Variants in AGPAT3 observed in about 807,000 individuals in gnomAD.
AGPAT3 encodes the protein 1-acyl-sn-glycerol-3-phosphate acyltransferase gamma.
Under a neutral mutation model 47.3 loss-of-function variants are expected in AGPAT3, and 5 were observed. The ratio of observed to expected loss-of-function variants is 0.11; its 90% CI spans 0.06 to 0.22. The LOEUF is 0.22. AGPAT3 is among the 10% of genes least tolerant of loss of function. AGPAT3 has a pLI of 1.00. For missense variants in AGPAT3, 315 were observed against 493.0 expected, an observed-to-expected ratio of 0.64 and a Z score of 3.42; for synonymous variants, 212 against 208.3, an observed-to-expected ratio of 1.02 and a Z score of -0.15.
rs2086548721 is a variant in AGPAT3 at position 43,908,190 on chromosome 21, C to T, written c.-49+4171C>T. Among the ~76,000 whole-genome samples, 1 of 152,190 alleles carries T rather than the reference C, an allele frequency of 6.6e-6. No individual in the cohort carries two copies. The highest frequency in any genetic ancestry group is 2.1e-4 in the South Asian group (1 of 4,830). The stretch of plus-strand genomic sequence containing the variant: ...CTTGTATGAGGCACTTGGCAAGCTT[C>T]ACTTGTGCCCTAAAGCACAAAATAC... On this transcript the variant is annotated intron_variant, in intron 2 of 9. Transcript: ENST00000291572. The surrounding 1 kb of genome is among the most constrained non-coding windows in gnomAD (Gnocchi z 4.9).
At chr21:43,926,951 TC>T (rs2087075339) in intron 2 of AGPAT3, among the ~76,000 whole-genome samples, 2 of 140,052 alleles carry the variant, frequency 1.4e-5, no homozygotes, top group Non-Finnish European at 3.0e-5. Context: ...CTCACTCCAG[TC>T]TAGGCGACAG....
At chr21:43,914,971 T>G (rs974593181) in intron 2 of AGPAT3, among the ~76,000 whole-genome samples, 3 of 152,258 alleles carry the variant, frequency 2.0e-5, no homozygotes, top group South Asian at 4.1e-4. Flanking sequence ...AAATTATCCA[T>G]TTTATCTAGA....
intron 1 of AGPAT3, among the ~76,000 whole-genome samples, chr21:43,874,114 C>T (rs1219796154): frequency 1.3e-5 from 2 of 152,226 alleles, no homozygotes; most frequent in East Asian, 3.8e-4. Flanking sequence ...CAACCTCCGC[C>T]TCCCGGATTC....
chr21:43,885,227 G>A (rs1375475741), intron 1 of AGPAT3, among the ~76,000 whole-genome samples: 1 of 152,258 alleles, frequency 6.6e-6, no homozygotes, highest in African/African-American at 2.4e-5. Context: ...GGAGGCCTGG[G>A]CCTGGGCCAG....
chr21:43,882,789 T>TGGTCTTGGGGGGTGGTGCCCC (rs879672825), intron 1 of AGPAT3, among the ~76,000 whole-genome samples: 3 of 152,202 alleles, frequency 2.0e-5, no homozygotes, highest in Non-Finnish European at 4.4e-5. Flanking sequence ...ACGGGTGCCC[T>TGGTCTTGGGGGGTGGTGCCCC]GGTCTTGGGG....
chr21:43,899,125 A>G (rs2086294317), intron 1 of AGPAT3, among the ~76,000 whole-genome samples: 1 of 151,884 alleles, frequency 6.6e-6, no homozygotes, highest in Non-Finnish European at 1.5e-5. Context: ...GTGCACGTAC[A>G]TGAGAAATTC....
chr21:43,959,703 A>C lies in AGPAT3; in HGVS notation c.22A>C (p.Lys8Gln), dbSNP rs1322266468. The C allele has an allele frequency of 6.2e-7, 1 of 1,613,558 alleles. No homozygotes were observed. ...CGCCATGGGCCTGCTGGCCTTCCTGAAGACCCAGTTCGTGCTGCACCTGCT... is the reference window on the plus strand; with the variant it reads ...CGCCATGGGCCTGCTGGCCTTCCTGCAGACCCAGTTCGTGCTGCACCTGCT... MGLLAFLKTQFVLHLLVG... is the reference protein window; with the variant it reads MGLLAFLQTQFVLHLLVG... Residue 8 changes from lysine (K) to glutamine (Q), a missense_variant, in exon 3 of 10, where the codon AAG becomes CAG. Transcript: ENST00000291572.
chr21:43,873,800 A>G (rs2085676062), intron 1 of AGPAT3, among the ~76,000 whole-genome samples: 1 of 152,130 alleles, frequency 6.6e-6, no homozygotes, highest in African/African-American at 2.4e-5. Context: ...TTCTAGATTC[A>G]TCTCACAGAG....
At position 43,872,479 on chromosome 21, in the gene AGPAT3, C is replaced by T. The variant is rs117314653; in HGVS notation, c.-112+7134C>T. Among the ~76,000 whole-genome samples the T allele has an allele frequency of 3.0e-4, 46 of 152,236 alleles. No homozygotes were observed. In the East Asian group the frequency reaches 7.3e-3, roughly 24 times the overall value. On this transcript the variant is annotated intron_variant, in intron 1 of 9. Coordinates refer to ENST00000291572, the MANE Select transcript of AGPAT3 (RefSeq NM_020132.5). ...TACAGGCGTGAGCCACCGCGCCGGC[C>T]GTAAATGGTGTTTTTTATTTTTATT...
At chr21:43,905,335 G>A (rs1407428559) in intron 2 of AGPAT3, among the ~76,000 whole-genome samples, 1 of 151,800 alleles carries the variant, frequency 6.6e-6, no homozygotes, top group African/African-American at 2.4e-5. Flanking sequence ...GACTACAGGC[G>A]CCCGCCACCA....
intron 2 of AGPAT3, among the ~76,000 whole-genome samples, chr21:43,943,637 C>T (rs1427042652): frequency 6.6e-6 from 1 of 152,168 alleles, no homozygotes; most frequent in Non-Finnish European, 1.5e-5. Flanking sequence ...TGCCGGGGCA[C>T]CTCGGTTCCC....
At chr21:43,973,147 G>A (rs2089464889) in intron 7 of AGPAT3, among the ~76,000 whole-genome samples, 1 of 152,266 alleles carries the variant, frequency 6.6e-6, no homozygotes, top group Non-Finnish European at 1.5e-5. Flanking sequence ...GAAGTTCAAG[G>A]ACTGGCTGAT....
intron 1 of AGPAT3, among the ~76,000 whole-genome samples, chr21:43,885,126 C>T (rs1225324935): frequency 6.6e-6 from 1 of 152,244 alleles, no homozygotes; most frequent in African/African-American, 2.4e-5. Context: ...GTGCTCCCCT[C>T]ACCCTGCGGC....
At chr21:43,925,744 C>T (rs1254089004) in intron 2 of AGPAT3, among the ~76,000 whole-genome samples, 1 of 152,254 alleles carries the variant, frequency 6.6e-6, no homozygotes, top group African/African-American at 2.4e-5. Context: ...GCACCTGTGA[C>T]ATTCATGCAT....
chr21:43,962,684 A>G (rs1396192227), intron 3 of AGPAT3, among the ~76,000 whole-genome samples: 1 of 152,226 alleles, frequency 6.6e-6, no homozygotes, highest in African/African-American at 2.4e-5. Flanking sequence ...CAGCTGTAGC[A>G]GAGGGCGCTG....
chr21:43,981,216 A>G lies in AGPAT3; in HGVS notation c.1042+29A>G. On this transcript the variant is annotated intron_variant, in intron 9 of 9. Coordinates refer to ENST00000291572, the MANE Select transcript of AGPAT3 (RefSeq NM_020132.5). The surrounding 1 kb of genome is among the most constrained non-coding windows in gnomAD (Gnocchi z 5.3). ...ATGGACACTGTCGCTAACAGCTCAC[A>G]CTCTGACGGGCCTCACAGTATCAGC... 6.2e-7 allele frequency: 1 copy of G among 1,609,630 alleles called. No individual in the cohort carries two copies. The highest frequency in any genetic ancestry group is 1.1e-5 in the South Asian group (1 of 90,918).
intron 2 of AGPAT3, chr21:43,946,925 G>A (rs1569081532): frequency 6.6e-6 from 1 of 152,308 alleles, no homozygotes; most frequent in Non-Finnish European, 1.5e-5. Flanking sequence ...ACTTGTCACA[G>A]GTCCATTGTG....
In AGPAT3 at chr21:43,986,155, C is replaced by T. The variant is rs1490846697; in HGVS notation, c.*3763C>T. ...AAAACAATTTTTGCGTAAAAGATGT[C>T]ACACTGATCTGCTGGAGTGGGGTGG... On this transcript the variant is annotated 3_prime_UTR_variant, in exon 10 of 10. Coordinates refer to ENST00000291572, the MANE Select transcript of AGPAT3 (RefSeq NM_020132.5). 1 of 152,266 alleles carries T rather than the reference C, an allele frequency of 6.6e-6. No individual in the cohort carries two copies. The highest frequency in any genetic ancestry group is 1.5e-5 in the Non-Finnish European group (1 of 68,058). The allele number at this position is 152,266 out of a possible 1,614,324, so 9.4% of individuals were successfully genotyped here. A position where few individuals can be genotyped will look rare whatever the true frequency, so the allele number is the denominator to read the frequency against.
chr21:43,957,195 G>A (rs1418533988), intron 2 of AGPAT3, among the ~76,000 whole-genome samples: 2 of 152,144 alleles, frequency 1.3e-5, no homozygotes. Flanking sequence ...GAGAGGCAGA[G>A]GGTGGGGGCC....
Sources: allele counts gnomAD v4.1 joint callset (sites outside exome capture counted in the v4.1 genomes callset), GRCh38; gene constraint gnomAD v4.1.1; non-coding constraint Gnocchi (gnomAD v3.1); transcripts MANE v1.5; gene names NCBI Gene and HGNC (gene_info 2026-07-23, HGNC 2026-07-21).